The following NLGN1 variants were observed in gnomAD, a reference collection of about 807,000 sequenced individuals.
The protein encoded by NLGN1 is neuroligin-1.
In NLGN1, 12 loss-of-function variants were observed where a neutral mutation model predicts 65.5. The observed-to-expected ratio is 0.18, with a 90% CI of 0.12 to 0.30. NLGN1 has a LOEUF of 0.30. Among genes scored for constraint, NLGN1 ranks in the 10% least tolerant of loss-of-function variants. The probability of loss-of-function intolerance (pLI) is 1.00; values close to 1 mark genes in which losing one functional copy is unlikely to be tolerated. For synonymous variants in NLGN1, 350 were observed against 359.5 expected, an observed-to-expected ratio of 0.97 and a Z score of 0.30; for missense variants, 750 against 1,007.1, an observed-to-expected ratio of 0.74 and a Z score of 3.46.
At chr3:174,205,118 A>T (rs972582757) in intron 4 of NLGN1, among the ~76,000 whole-genome samples, 2 of 152,106 alleles carry the variant, frequency 1.3e-5, no homozygotes, top group Non-Finnish European at 2.9e-5. Flanking sequence ...TTTAAAAAAA[A>T]TTTTTATATG....
intron 2 of NLGN1, among the ~76,000 whole-genome samples, chr3:173,565,006 T>C (rs1244253486): frequency 2.6e-5 from 4 of 152,102 alleles, no homozygotes; most frequent in South Asian, 2.1e-4. Flanking sequence ...TGAGGTTCTG[T>C]TGAGCGGAGG....
intron 3 of NLGN1, among the ~76,000 whole-genome samples, chr3:173,803,239 T>C (rs1311382006): frequency 6.6e-6 from 1 of 152,166 alleles, no homozygotes; most frequent in African/African-American, 2.4e-5. Flanking sequence ...TACCAACTTA[T>C]TTTAAAAATT....
chr3:173,997,821 C>A (rs574961998), intron 4 of NLGN1, among the ~76,000 whole-genome samples: 1 of 152,228 alleles, frequency 6.6e-6, no homozygotes, highest in South Asian at 2.1e-4. Context: ...GGCTTTTACA[C>A]CTTACTGAAG....
intron 4 of NLGN1, among the ~76,000 whole-genome samples, chr3:174,063,624 A>G (rs913177230): frequency 6.6e-6 from 1 of 150,442 alleles, no homozygotes; most frequent in Non-Finnish European, 1.5e-5. Flanking sequence ...TATATACAGT[A>G]CTAAAATTTG....
intron 3 of NLGN1, among the ~76,000 whole-genome samples, chr3:173,799,764 T>G: frequency 6.6e-6 from 1 of 151,824 alleles, no homozygotes; most frequent in East Asian, 1.9e-4. Flanking sequence ...GAAAAATGTA[T>G]GGATTAAAAA....
intron 3 of NLGN1, among the ~76,000 whole-genome samples, chr3:173,714,083 G>T (rs777447615): frequency 6.6e-6 from 1 of 152,046 alleles, no homozygotes; most frequent in Non-Finnish European, 1.5e-5. Flanking sequence ...AGAATTTGAG[G>T]TTTAAATTAT....
At chr3:174,245,825 T>C (rs1743680858) in intron 4 of NLGN1, among the ~76,000 whole-genome samples, 1 of 152,190 alleles carries the variant, frequency 6.6e-6, no homozygotes, top group Admixed American at 6.5e-5. Context: ...CAGCCTTGAA[T>C]GTTGTCTCTG....
chr3:173,826,629 T>C (rs181103095), intron 4 of NLGN1, among the ~76,000 whole-genome samples: 77 of 152,222 alleles, frequency 5.1e-4, no homozygotes, highest in African/African-American at 1.6e-3. Context: ...CCGAGGGTGT[T>C]AATGATGATT....
At chr3:174,020,175 G>A (rs946331272) in intron 4 of NLGN1, among the ~76,000 whole-genome samples, 1 of 152,028 alleles carries the variant, frequency 6.6e-6, no homozygotes, top group African/African-American at 2.4e-5. Flanking sequence ...GAACCATCAT[G>A]TGTAATTTGT....
At chr3:174,104,718 C>T (rs1321165372) in intron 4 of NLGN1, among the ~76,000 whole-genome samples, 2 of 152,098 alleles carry the variant, frequency 1.3e-5, no homozygotes, top group African/African-American at 4.8e-5. Flanking sequence ...TTCAATCTTG[C>T]AGATAAACAG....
intron 2 of NLGN1, among the ~76,000 whole-genome samples, chr3:173,578,160 C>T (rs1197433665): frequency 3.3e-5 from 5 of 150,148 alleles, no homozygotes; most frequent in African/African-American, 4.9e-5. Context: ...GGCATGAACC[C>T]GGGAGGCGGA....
At chr3:173,488,769 G>C (rs1318926810) in intron 2 of NLGN1, among the ~76,000 whole-genome samples, 1 of 151,874 alleles carries the variant, frequency 6.6e-6, no homozygotes, top group Non-Finnish European at 1.5e-5. Context: ...CTTAGGATTT[G>C]TTCTGAATCT....
In NLGN1 at chr3:173,958,826, G is replaced by C. The variant is rs145970938; in HGVS notation, c.646+150994G>C. Among the ~76,000 whole-genome samples the C allele has an allele frequency of 4.0e-3, 614 of 152,282 alleles. 6 individuals are homozygous for C. Among genetic ancestry groups the C allele is most frequent in the African/African-American group, 0.014 (568 of 41,572 alleles). On this transcript the variant is annotated intron_variant, in intron 4 of 6. Transcript: ENST00000457714. ...GCAGGCCAGTGTTGAGCTGCCCTCA[G>C]CACCCCCTTGGCCTCTCTCCCATGC... is the stretch of plus-strand genomic sequence containing the variant.
chr3:174,281,004 G>A, exon 7 of NLGN1: 1 of 1,613,340 alleles, frequency 6.2e-7, no homozygotes, highest in Non-Finnish European at 8.5e-7. Context: ...TCTAACCCAT[G>A]CACAAGAAGA....
At chr3:173,942,564 T>A (rs1038905743) in intron 4 of NLGN1, among the ~76,000 whole-genome samples, 1 of 152,180 alleles carries the variant, frequency 6.6e-6, no homozygotes, top group Non-Finnish European at 1.5e-5. Flanking sequence ...TAGTTCAAGG[T>A]TTAGTTTCAA....
chr3:173,958,911 G>A (rs1282882671), intron 4 of NLGN1, among the ~76,000 whole-genome samples: 1 of 152,192 alleles, frequency 6.6e-6, no homozygotes, highest in African/African-American at 2.4e-5. Context: ...CGTCAGTACT[G>A]CCCTGAGCAT....
chr3:173,418,178 G>A (rs1291348567), intron 1 of NLGN1, among the ~76,000 whole-genome samples: 1 of 125,152 alleles, frequency 8.0e-6, no homozygotes, highest in African/African-American at 3.2e-5. Flanking sequence ...ATATTAGAAG[G>A]CATAATTATA....
At chr3:173,934,584 C>A (rs905737228) in intron 4 of NLGN1, among the ~76,000 whole-genome samples, 7 of 152,006 alleles carry the variant, frequency 4.6e-5, no homozygotes, top group African/African-American at 1.7e-4. Context: ...AGCTTTCTGG[C>A]CTTTTCTCAA....
chr3:173,419,020 CTTTTTTTTTTTTTTTTTTTTT>C (rs59051811), intron 1 of NLGN1, among the ~76,000 whole-genome samples: 3 of 12,262 alleles, frequency 2.4e-4, no homozygotes, highest in Admixed American at 2.9e-3. Context: ...TCTTCTTCTT[CTTTTTTTTTTTTTTTTTTTTT>C]TTTTTTTTTT....
Sources: gnomAD v4.1 joint callset for allele counts (sites outside exome capture counted in the v4.1 genomes callset) on GRCh38, gnomAD v4.1.1 for gene constraint, MANE v1.5 for transcripts, NCBI Gene and HGNC (gene_info 2026-07-23, HGNC 2026-07-21) for gene names.